Variants in CACNA1A observed in about 807,000 individuals in gnomAD.
The protein encoded by CACNA1A is voltage-dependent P/Q-type calcium channel subunit alpha-1A.
Under a neutral mutation model 262.4 loss-of-function variants are expected in CACNA1A, and 57 were observed. That is an observed-to-expected ratio of 0.22 (90% CI 0.18 to 0.27). CACNA1A has a LOEUF of 0.27. CACNA1A is among the 10% of genes least tolerant of loss of function. The probability of loss-of-function intolerance (pLI) is 1.00; values close to 1 mark genes in which losing one functional copy is unlikely to be tolerated. For missense variants in CACNA1A, 2,526 were observed against 3,562.8 expected (o/e 0.71, Z 7.41); for synonymous variants, 1,431 against 1,419.3 (o/e 1.01, Z -0.18).
intron 3 of CACNA1A, 49 bp downstream of exon 3, chr19:13,452,827 G>C: frequency 6.4e-7 from 1 of 1,572,198 alleles, no homozygotes; most frequent in Non-Finnish European, 8.7e-7. Flanking sequence ...CAAAAGCCTC[G>C]TAATCCTTCA....
chr19:13,280,357 A>AT lies in CACNA1A; in HGVS notation c.3822+2909dup, dbSNP rs565586521. Among the ~76,000 whole-genome samples the AT allele has an allele frequency of 3.1e-3, 444 of 141,058 alleles. 1 individual carries two copies. Among genetic ancestry groups the AT allele is most frequent in the Middle Eastern group, 3.7e-3 (1 of 270 alleles). The allele number at this position is 141,058 out of a possible 152,430, so 92.5% of individuals were successfully genotyped here. A position where few individuals can be genotyped will look rare whatever the true frequency, so the allele number is the denominator to read the frequency against. On this transcript the variant is annotated intron_variant, in intron 22 of 46. Coordinates refer to ENST00000360228, the MANE Select transcript of CACNA1A (RefSeq NM_001127222.2). Reference sequence around the variant, plus strand: ...CGCTCGGTTAATTAAAAAAAAAAAAATTTTTTTTTTTTTTGGTAGAGGTGG... The same window carrying AT: ...CGCTCGGTTAATTAAAAAAAAAAAAATTTTTTTTTTTTTTTGGTAGAGGTGG...
chr19:13,290,879 C>T (rs573742045), intron 19 of CACNA1A, among the ~76,000 whole-genome samples: 42 of 152,164 alleles, frequency 2.8e-4, no homozygotes, highest in Non-Finnish European at 4.3e-4. Context: ...AAACTCGTGG[C>T]GGCATTTTCT....
chr19:13,360,024 GTTT>G (rs200920495), intron 5 of CACNA1A, among the ~76,000 whole-genome samples: 1 of 140,492 alleles, frequency 7.1e-6, no homozygotes, highest in African/African-American at 2.6e-5. Context: ...TTTTCCATGA[GTTT>G]TTTTTTTTTT....
chr19:13,307,964 A>G, intron 14 of CACNA1A, 110 bp from the exon 15 acceptor site: 1 of 1,391,762 alleles, frequency 7.2e-7, no homozygotes, highest in Non-Finnish European at 1.0e-6. Context: ...CTCTGTCCCC[A>G]GGAAACCCTG....
At chr19:13,261,635 C>T (rs2056736596) in intron 25 of CACNA1A, 25 bp from the exon 26 acceptor site, 4 of 1,600,944 alleles carry the variant, frequency 2.5e-6, no homozygotes. Flanking sequence ...TGACAGAGAG[C>T]ATGAGGGGCT....
chr19:13,289,286 T>TCCCTGAAGTTA (rs1383582115), intron 19 of CACNA1A, among the ~76,000 whole-genome samples: 1 of 151,828 alleles, frequency 6.6e-6, no homozygotes, highest in Non-Finnish European at 1.5e-5. Context: ...GGACTTCAGG[T>TCCCTGAAGTTA]GCCTGCCACC....
chr19:13,462,900 T>C (rs993757779), intron 1 of CACNA1A, among the ~76,000 whole-genome samples: 3 of 152,074 alleles, frequency 2.0e-5, no homozygotes, highest in East Asian at 1.9e-4. Context: ...GCTGGGACTA[T>C]AGGTGCATGC....
intron 3 of CACNA1A, among the ~76,000 whole-genome samples, chr19:13,406,464 ATT>A (rs1491528282): frequency 8.4e-5 from 5 of 59,260 alleles, no homozygotes; most frequent in Admixed American, 2.2e-4. Context: ...CAAAAAAAAA[ATT>A]ATATATATAT....
intron 3 of CACNA1A, among the ~76,000 whole-genome samples, chr19:13,400,365 CCT>C (rs1307589577): frequency 9.2e-5 from 14 of 152,118 alleles, no homozygotes; most frequent in African/African-American, 3.4e-4. Context: ...ACCAATTACC[CCT>C]GTCTTGACCC....
rs184238172 is a variant in CACNA1A at position 13,300,919 on chromosome 19, A to G, written c.2173-263T>C. On this transcript the variant is annotated intron_variant, in intron 17 of 46. Transcript: ENST00000360228. The stretch of plus-strand genomic sequence containing the variant: ...TAAAAATGTCCCTTCTCTTCCTACA[A>G]TGAAGACTTTCCTGCAGCCTATTTT... 1.6e-3 allele frequency among the ~76,000 whole-genome samples: 244 copies of G among 151,672 alleles called. 1 individual carries two copies. Among genetic ancestry groups the G allele is most frequent in the African/African-American group, 5.7e-3 (237 of 41,420 alleles).
At chr19:13,271,560 T>A (rs141809068) in intron 24 of CACNA1A, 17 of 152,276 alleles carry the variant, frequency 1.1e-4, no homozygotes, top group Admixed American at 2.0e-4. Context: ...GAATTTTTGG[T>A]TCGCTTTTGC....
At chr19:13,390,356 C>G (rs1478138103) in intron 3 of CACNA1A, among the ~76,000 whole-genome samples, 2 of 152,172 alleles carry the variant, frequency 1.3e-5, no homozygotes, top group African/African-American at 4.8e-5. Context: ...CAGTGATCCT[C>G]CCACCTTGGC....
chr19:13,373,769 C>G (rs2059362137), intron 3 of CACNA1A, among the ~76,000 whole-genome samples: 1 of 152,188 alleles, frequency 6.6e-6, no homozygotes, highest in South Asian at 2.1e-4. Context: ...GAGAGATGGG[C>G]ATATTAGGTT....
chr19:13,214,697 C>T lies in CACNA1A; in HGVS notation c.5732-89G>A, dbSNP rs887059773. ...CTGCAAAGCCATAGGCTCCCGAGAA[C>T]GAGACCCCAATCTTTCTGGTCCCCA... On this transcript the variant is annotated intron_variant, in intron 38 of 46. Coordinates refer to ENST00000360228, the MANE Select transcript of CACNA1A (RefSeq NM_001127222.2). The surrounding 1 kb of genome is among the most constrained non-coding windows in gnomAD (Gnocchi z 4.1). 9 of 999,962 alleles carry T rather than the reference C, an allele frequency of 9.0e-6. No homozygotes were observed. The highest frequency in any genetic ancestry group is 4.8e-5 in the African/African-American group (3 of 62,572). 61.9% of individuals were successfully genotyped at this position (999,962 alleles called of 1,614,324 possible).
chr19:13,306,197 T>C (rs11878230), intron 15 of CACNA1A, among the ~76,000 whole-genome samples: 19,863 of 152,074 alleles, frequency 0.13, 1,418 homozygotes, highest in East Asian at 0.28. Context: ...ACATTTTCTA[T>C]ACACTCTCAG....
intron 19 of CACNA1A, among the ~76,000 whole-genome samples, chr19:13,294,216 A>C (rs931944610): frequency 1.2e-4 from 18 of 149,688 alleles, no homozygotes; most frequent in South Asian, 6.6e-4. Flanking sequence ...AAAAAAAAAA[A>C]AAACAAACAA....
chr19:13,406,261 C>A (rs1229305587), intron 3 of CACNA1A, among the ~76,000 whole-genome samples: 1 of 151,390 alleles, frequency 6.6e-6, no homozygotes, highest in Non-Finnish European at 1.5e-5. Flanking sequence ...TCAAGACCAG[C>A]CTGGCCAACA....
At chr19:13,269,682 A>C (rs543364751) in intron 24 of CACNA1A, among the ~76,000 whole-genome samples, 36 of 152,324 alleles carry the variant, frequency 2.4e-4, no homozygotes, top group African/African-American at 8.2e-4. Flanking sequence ...GCCCTGATGC[A>C]TGGGCACAGA....
intron 3 of CACNA1A, among the ~76,000 whole-genome samples, chr19:13,413,571 T>TAAA (rs58314938): frequency 1.3e-4 from 9 of 71,874 alleles, no homozygotes; most frequent in Middle Eastern, 0.01. Flanking sequence ...GGTCCTGTCT[T>TAAA]AAAAAAAAAA....
Sources: gnomAD v4.1 joint callset for allele counts (sites outside exome capture counted in the v4.1 genomes callset) on GRCh38, gnomAD v4.1.1 for gene constraint, Gnocchi (gnomAD v3.1) non-coding constraint, MANE v1.5 for transcripts, NCBI Gene and HGNC (gene_info 2026-07-23, HGNC 2026-07-21) for gene names.